The following GYS2 variants were observed in gnomAD, a reference collection of about 807,000 sequenced individuals.
GYS2 encodes glycogen synthase 2.
Under a neutral mutation model 85.6 loss-of-function variants are expected in GYS2, and 80 were observed. That is an observed-to-expected ratio of 0.93 (90% CI 0.78 to 1.13). The LOEUF (loss-of-function observed/expected upper bound fraction) is 1.13. Ranked by LOEUF, GYS2 falls within the 50% of genes most tolerant of loss-of-function variation. GYS2 has a pLI of 0.00. For missense variants in GYS2, 881 were observed against 854.9 expected, an observed-to-expected ratio of 1.03 and a Z score of -0.38; for synonymous variants, 328 against 300.7, an observed-to-expected ratio of 1.09 and a Z score of -0.94.
chr12:21,543,489 A>G (rs1944002848), intron 12 of GYS2, among the ~76,000 whole-genome samples: 2 of 152,020 alleles, frequency 1.3e-5, no homozygotes, highest in Non-Finnish European at 2.9e-5. Context: ...TCTTTTTTTA[A>G]TTTTTACACA....
rs1435257471 is a variant in GYS2, at chr12:21,558,182, A to G, written c.1422+18T>C. On this transcript the variant is annotated intron_variant, in intron 11 of 15. Transcript: ENST00000261195. ...TTTAAGTAAGTTTAAAGTTCGCCAC[A>G]TGAACAATTTGTTCTACCTTGACTC... 5 of 1,422,898 alleles carry G rather than the reference A, an allele frequency of 3.5e-6. No individual in the cohort carries two copies. The highest frequency in any genetic ancestry group is 5.0e-6 in the Non-Finnish European group (5 of 1,005,498). 88.1% of individuals were successfully genotyped at this position (1,422,898 alleles called of 1,614,324 possible). A position where few individuals can be genotyped will look rare whatever the true frequency, so the allele number is the denominator to read the frequency against.
In GYS2 at chr12:21,574,341, A is replaced by C; in HGVS notation, c.496-15T>G. 2 of 1,608,374 alleles carry C rather than the reference A, an allele frequency of 1.2e-6. No homozygotes were observed. The highest frequency in any genetic ancestry group is 1.7e-6 in the Non-Finnish European group (2 of 1,174,868). On this transcript the variant is annotated splice_polypyrimidine_tract_variant and intron_variant, in intron 3 of 15. Coordinates refer to ENST00000261195, the MANE Select transcript of GYS2 (RefSeq NM_021957.4). ...TGATCTGTCACCTACATTAGGAAAA[A>C]AAAAGCATTCAGAAAAGTTGTTGAT...
intron 1 of GYS2, among the ~76,000 whole-genome samples, chr12:21,593,140 G>C (rs943824004): frequency 2.6e-5 from 4 of 151,866 alleles, no homozygotes; most frequent in African/African-American, 9.7e-5. Flanking sequence ...GCAGTGCTAA[G>C]AGAGAAGCTT....
rs540493038 is a variant in GYS2, at chr12:21,550,438, T to G, written c.1423-3968A>C. Among the ~76,000 whole-genome samples, 8 of 152,236 alleles carry G rather than the reference T, an allele frequency of 5.3e-5. 1 individual carries two copies. The highest frequency in any genetic ancestry group is 1.9e-4 in the African/African-American group (8 of 41,536). ...ATCTTTCTCCATACACTCCCTCACA[T>G]GCACGGATGCCCTCCTCTCTCCATT... On this transcript the variant is annotated intron_variant, in intron 11 of 15. Transcript: ENST00000261195.
In GYS2 at chr12:21,546,361, G is replaced by A; in HGVS notation, c.1532C>T (p.Pro511Leu). ...HLGVFPSYYE[P>L]WGYTPAECTV... ...ACACATACCTGGAGTATAACCCCAG[G>A]GTTCATAGTATGATGGAAATACTCC... is the stretch of plus-strand genomic sequence containing the variant. Residue 511 changes from proline (P) to leucine (L), a missense_variant, in exon 12 of 16, where the codon CCC (proline) becomes CTC (leucine). Physicochemically the swap from Pro to Leu is moderately conservative, Grantham distance 98. Transcript: ENST00000261195. 6.2e-7 allele frequency: 1 copy of A among 1,603,794 alleles called. No homozygotes were observed. The highest frequency in any genetic ancestry group is 8.5e-7 in the Non-Finnish European group (1 of 1,171,392).
intron 1 of GYS2, among the ~76,000 whole-genome samples, chr12:21,601,224 T>C (rs1944752795): frequency 6.6e-6 from 1 of 152,054 alleles, no homozygotes. Context: ...CTTTCCATCC[T>C]GGGTCACACC....
rs548388771 is a variant in GYS2 at position 21,581,536 on chromosome 12, G to A, written c.122-1013C>T. ...GTGAGTCTTGCCCAAGCTCCCAGCC[G>A]AATAAAGCCCTTCCTTCTTTAACTC... On this transcript the variant is annotated intron_variant, in intron 1 of 15. Coordinates refer to ENST00000261195, the MANE Select transcript of GYS2 (RefSeq NM_021957.4). Among the ~76,000 whole-genome samples the A allele has an allele frequency of 1.1e-4, 16 of 152,268 alleles. No individual in the cohort carries two copies. The South Asian group carries it at 1.7e-3, about 16-fold the overall frequency.
At chr12:21,564,968 A>G (rs1387649201) in intron 5 of GYS2, among the ~76,000 whole-genome samples, 1 of 152,156 alleles carries the variant, frequency 6.6e-6, no homozygotes, top group Non-Finnish European at 1.5e-5. Flanking sequence ...CAGTGGTGTC[A>G]TACAACTGTA....
intron 15 of GYS2, chr12:21,537,479 A>G (rs1943923803): frequency 8.1e-6 from 3 of 370,370 alleles, no homozygotes; most frequent in Non-Finnish European, 1.5e-5. Flanking sequence ...ATGGAGGGTT[A>G]GAGGGGTCAA....
Position 21,546,423 on chromosome 12 carries a change from GGGTAGTAAGGGACT to G in GYS2, c.1456_1469del (p.Ser486HisfsTer4). On this transcript the variant is annotated frameshift_variant, in exon 12 of 16. Coordinates refer to ENST00000261195, the MANE Select transcript of GYS2 (RefSeq NM_021957.4). LOFTEE classifies it high-confidence loss of function. Reference sequence around the variant, plus strand: ...CTCTAACAAACTCTTCATAGTCCATGGGTAGTAAGGGACTGGTGGAGGATAGAAACTCTGGGTGC... The same window carrying G: ...CTCTAACAAACTCTTCATAGTCCATGGGTGGAGGATAGAAACTCTGGGTGC... 1.3e-6 allele frequency: 2 copies of G among 1,585,530 alleles called. No individual in the cohort carries two copies. The highest frequency in any genetic ancestry group is 1.7e-6 in the Non-Finnish European group (2 of 1,154,652).
intron 2 of GYS2, among the ~76,000 whole-genome samples, chr12:21,576,453 CGCTTATTTTCTTTT>C (rs1555158512): frequency 6.6e-6 from 1 of 152,136 alleles, no homozygotes; most frequent in Non-Finnish European, 1.5e-5. Context: ...GCTCCAGTGT[CGCTTATTTTCTTTT>C]ATGGAACAGG....
At position 21,540,500 on chromosome 12, in the gene GYS2, T is replaced by G; in HGVS notation, c.1719A>C (p.Gly573=). 6.2e-7 allele frequency: 1 copy of G among 1,613,940 alleles called. No individual in the cohort carries two copies. ...TTTGGCGGCGTGACTGTTTGCAAAA[T>G]CCATAGAGAAACTTAGTCAGCTGAT... ...SCNQLTKFLY[G]FCKQSRRQRI... is the part of the protein sequence containing the mutation. The change falls in exon 14 of 16, where the codon GGA becomes GGC. Residue 573 remains glycine (G), a synonymous_variant. Transcript: ENST00000261195.
chr12:21,540,684 C>A, intron 13 of GYS2, 111 bp from the exon 14 acceptor site: 1 of 889,962 alleles, frequency 1.1e-6, no homozygotes, highest in Non-Finnish European at 1.8e-6. Flanking sequence ...GCATTATCTA[C>A]CCCCTGACTC....
At chr12:21,548,783 TC>T (rs1944072086) in intron 11 of GYS2, among the ~76,000 whole-genome samples, 1 of 152,150 alleles carries the variant, frequency 6.6e-6, no homozygotes. Flanking sequence ...TTCTATATAG[TC>T]AATTAATTTG....
chr12:21,603,832 C>T (rs557705475), intron 1 of GYS2, among the ~76,000 whole-genome samples: 14 of 152,234 alleles, frequency 9.2e-5, no homozygotes, highest in Admixed American at 9.2e-4. Context: ...TCTACCTTGC[C>T]TTCTCTTACC....
chr12:21,573,259 T>G (rs1944406711), intron 4 of GYS2, among the ~76,000 whole-genome samples: 1 of 152,216 alleles, frequency 6.6e-6, no homozygotes, highest in African/African-American at 2.4e-5. Flanking sequence ...TTCTATTTTA[T>G]AGAATCCTAG....
chr12:21,580,736 G>T (rs1944499524), intron 1 of GYS2, among the ~76,000 whole-genome samples: 1 of 152,198 alleles, frequency 6.6e-6, no homozygotes, highest in African/African-American at 2.4e-5. Flanking sequence ...ATGTTTTAAA[G>T]TCCCTTCTAG....
intron 11 of GYS2, among the ~76,000 whole-genome samples, chr12:21,550,314 A>ACACACAC (rs1944091084): frequency 1.3e-5 from 2 of 148,224 alleles, no homozygotes; most frequent in African/African-American, 5.0e-5. Flanking sequence ...AGACAGAAAG[A>ACACACAC]ACACACACAC....
At position 21,536,253 on chromosome 12, in the gene GYS2, G is replaced by A. The variant is rs1315150038; in HGVS notation, c.*701C>T. On this transcript the variant is annotated 3_prime_UTR_variant, in exon 16 of 16. Transcript: ENST00000261195. ...TTACAAGTTATCATCTATGAAGATT[G>A]ACCAAATTTTAAAAAGGCTTTCTAT... is the stretch of plus-strand genomic sequence containing the variant. 1 of 152,154 alleles carries A rather than the reference G, an allele frequency of 6.6e-6. No homozygotes were observed. Among genetic ancestry groups the A allele is most frequent in the Non-Finnish European group, 1.5e-5 (1 of 68,068 alleles). 9.4% of individuals were successfully genotyped at this position (152,154 alleles called of 1,614,324 possible).
Sources: allele counts gnomAD v4.1 joint callset (sites outside exome capture counted in the v4.1 genomes callset), GRCh38; gene constraint gnomAD v4.1.1; transcripts MANE v1.5; gene names NCBI Gene and HGNC (gene_info 2026-07-23, HGNC 2026-07-21).